The following PDGFD variants were observed in gnomAD, a reference collection of about 807,000 sequenced individuals.
PDGFD encodes platelet-derived growth factor D.
A neutral mutation model predicts 44.7 loss-of-function variants in PDGFD; 30 were observed. The observed-to-expected ratio is 0.67, with a 90% CI of 0.50 to 0.91. The LOEUF (loss-of-function observed/expected upper bound fraction) is 0.91. PDGFD is among the 40% of genes least tolerant of loss of function. The pLI is 0.00. For missense variants in PDGFD, 445 were observed against 457.8 expected (o/e 0.97, Z 0.25); for synonymous variants, 173 against 168.4 (o/e 1.03, Z -0.21).
chr11:104,159,447 T>G (rs940544720), intron 1 of PDGFD, among the ~76,000 whole-genome samples: 20 of 152,174 alleles, frequency 1.3e-4, no homozygotes, highest in Non-Finnish European at 1.9e-4. Flanking sequence ...AACTGCCTTT[T>G]TACACTAACC....
At chr11:104,040,394 C>T (rs543866211) in intron 1 of PDGFD, among the ~76,000 whole-genome samples, 2 of 151,942 alleles carry the variant, frequency 1.3e-5, no homozygotes, top group Non-Finnish European at 2.9e-5. Context: ...TAAGCAATGC[C>T]TTTATTGATT....
chr11:104,136,972 T>C (rs535290615), intron 1 of PDGFD, among the ~76,000 whole-genome samples: 74 of 152,350 alleles, frequency 4.9e-4, no homozygotes, highest in African/African-American at 1.8e-3. Context: ...AATGTCCTCA[T>C]TTTGTACATG....
At chr11:103,981,764 A>C (rs2134351856) in intron 3 of PDGFD, among the ~76,000 whole-genome samples, 1 of 151,914 alleles carries the variant, frequency 6.6e-6, no homozygotes, top group African/African-American at 2.4e-5. Context: ...TATCTGCTAG[A>C]ATGAGACTAT....
intron 1 of PDGFD, among the ~76,000 whole-genome samples, chr11:104,074,341 T>C (rs533914803): frequency 7.9e-5 from 12 of 152,208 alleles, no homozygotes; most frequent in Non-Finnish European, 1.2e-4. Context: ...GTAGTTTGTT[T>C]TGCAGTAGTA....
chr11:104,134,831 T>C (rs1861978938), intron 1 of PDGFD, among the ~76,000 whole-genome samples: 1 of 152,244 alleles, frequency 6.6e-6, no homozygotes, highest in African/African-American at 2.4e-5. Context: ...GTCTCCTTTC[T>C]GACTGCCTCT....
rs367968688 is a variant in PDGFD at position 103,911,413 on chromosome 11, C to T, written c.988-1594G>A. 1.2e-4 allele frequency among the ~76,000 whole-genome samples: 18 copies of T among 152,250 alleles called. 2 individuals are homozygous for T. The highest frequency in any genetic ancestry group is 5.8e-4 in the East Asian group (3 of 5,162). ...GACTGTTAGAAGGAAAAGTAACAAA[C>T]AGAAAGGAATAGTATCAACATTAAC... is the stretch of plus-strand genomic sequence containing the variant. On this transcript the variant is annotated intron_variant, in intron 6 of 6. Coordinates refer to ENST00000393158, the MANE Select transcript of PDGFD (RefSeq NM_025208.5).
At chr11:104,112,017 A>G (rs1225695727) in intron 1 of PDGFD, among the ~76,000 whole-genome samples, 1 of 152,172 alleles carries the variant, frequency 6.6e-6, no homozygotes, top group Non-Finnish European at 1.5e-5. Flanking sequence ...TAAGAACGTA[A>G]AACCAATGTG....
At chr11:104,109,430 T>A (rs746110800) in intron 1 of PDGFD, among the ~76,000 whole-genome samples, 1 of 152,104 alleles carries the variant, frequency 6.6e-6, no homozygotes, top group Non-Finnish European at 1.5e-5. Flanking sequence ...TGGACCATAC[T>A]TTCCCATCAA....
At chr11:104,006,931 G>C (rs942725064) in intron 1 of PDGFD, among the ~76,000 whole-genome samples, 4 of 152,162 alleles carry the variant, frequency 2.6e-5, no homozygotes, top group Non-Finnish European at 5.9e-5. Flanking sequence ...GTACCAAGAG[G>C]GCATGGAGCT....
intron 3 of PDGFD, among the ~76,000 whole-genome samples, chr11:103,987,709 T>A (rs549596415): frequency 6.6e-6 from 1 of 152,280 alleles, no homozygotes; most frequent in Non-Finnish European, 1.5e-5. Flanking sequence ...GTAGCTAAAA[T>A]AAAGAAAGGC....
intron 1 of PDGFD, among the ~76,000 whole-genome samples, chr11:104,040,804 C>T (rs1860336549): frequency 6.6e-6 from 1 of 151,846 alleles, no homozygotes; most frequent in African/African-American, 2.4e-5. Context: ...ATTTCTATCT[C>T]TCTATACATC....
chr11:103,976,743 A>G (rs1467056152), intron 3 of PDGFD, among the ~76,000 whole-genome samples: 1 of 152,018 alleles, frequency 6.6e-6, no homozygotes, highest in Non-Finnish European at 1.5e-5. Context: ...TAGTTTATTG[A>G]GAGTTTTTAG....
intron 3 of PDGFD, among the ~76,000 whole-genome samples, chr11:103,978,140 C>A (rs1489188519): frequency 6.6e-6 from 1 of 151,872 alleles, no homozygotes; most frequent in Admixed American, 6.6e-5. Context: ...GGTTTCTTTT[C>A]TGTGTAAACA....
At chr11:104,064,712 T>C (rs1860763274) in intron 1 of PDGFD, among the ~76,000 whole-genome samples, 2 of 152,224 alleles carry the variant, frequency 1.3e-5, no homozygotes, top group South Asian at 2.1e-4. Context: ...ACAATGGCTA[T>C]GTTTTGGTCA....
intron 1 of PDGFD, among the ~76,000 whole-genome samples, chr11:104,122,699 T>C (rs1464436199): frequency 6.8e-6 from 1 of 146,664 alleles, no homozygotes; most frequent in Non-Finnish European, 1.5e-5. Context: ...ATACTGAAAA[T>C]ACAACTTATA....
At chr11:104,030,039 T>C (rs1195768511) in intron 1 of PDGFD, among the ~76,000 whole-genome samples, 1 of 152,210 alleles carries the variant, frequency 6.6e-6, no homozygotes, top group East Asian at 1.9e-4. Flanking sequence ...AGTCAAAATG[T>C]AAGTTAAAAC....
chr11:104,117,173 A>G (rs1234632999), intron 1 of PDGFD, among the ~76,000 whole-genome samples: 2 of 152,048 alleles, frequency 1.3e-5, no homozygotes, highest in Non-Finnish European at 2.9e-5. Flanking sequence ...ATTTGACAAA[A>G]TCCACCATCC....
At chr11:104,058,983 A>G (rs1860666144) in intron 1 of PDGFD, among the ~76,000 whole-genome samples, 1 of 152,184 alleles carries the variant, frequency 6.6e-6, no homozygotes, top group Non-Finnish European at 1.5e-5. Context: ...AGGATAGGGG[A>G]GGGGATCAAC....
At chr11:104,007,387 T>G (rs1360022335) in intron 1 of PDGFD, among the ~76,000 whole-genome samples, 8 of 152,208 alleles carry the variant, frequency 5.3e-5, no homozygotes, top group African/African-American at 1.9e-4. Context: ...TCATCATATA[T>G]AATAATGCTT....
Sources: allele counts gnomAD v4.1 joint callset (sites outside exome capture counted in the v4.1 genomes callset), GRCh38; gene constraint gnomAD v4.1.1; transcripts MANE v1.5; gene names NCBI Gene and HGNC (gene_info 2026-07-23, HGNC 2026-07-21).